The following NTNG1 variants were observed in gnomAD, a reference collection of about 807,000 sequenced individuals.
The protein encoded by NTNG1 is netrin-G1.
A neutral mutation model predicts 54.0 loss-of-function variants in NTNG1; 16 were observed. The observed-to-expected ratio is 0.30, with a 90% CI of 0.20 to 0.45. The LOEUF is 0.45. Among genes scored for constraint, NTNG1 ranks in the 20% least tolerant of loss-of-function variants. NTNG1 has a pLI of 1.00. For missense variants in NTNG1, 530 were observed against 678.7 expected, an observed-to-expected ratio of 0.78 and a Z score of 2.43; for synonymous variants, 255 against 263.1, an observed-to-expected ratio of 0.97 and a Z score of 0.30.
At chr1:107,440,307 C>G (rs1407874039) in intron 7 of NTNG1, among the ~76,000 whole-genome samples, 1 of 152,098 alleles carries the variant, frequency 6.6e-6, no homozygotes, top group Non-Finnish European at 1.5e-5. Context: ...CAGTAACTGA[C>G]AGTGTTGCCT....
intron 2 of NTNG1, among the ~76,000 whole-genome samples, chr1:107,182,872 T>C (rs1457678386): frequency 6.6e-6 from 1 of 152,144 alleles, no homozygotes; most frequent in Non-Finnish European, 1.5e-5. Context: ...CTTGAATAAA[T>C]GATAGCATTC....
chr1:107,300,430 C>T (rs1240742868), intron 2 of NTNG1, among the ~76,000 whole-genome samples: 1 of 152,170 alleles, frequency 6.6e-6, no homozygotes, highest in East Asian at 1.9e-4. Context: ...CTTCCCTAAT[C>T]TAGTTCCCCA....
upstream of NTNG1, chr1:107,140,767 A>AG (rs1653595992): frequency 1.1e-5 from 1 of 94,966 alleles, no homozygotes; most frequent in Admixed American, 8.9e-5. Flanking sequence ...AAAAAAAAAA[A>AG]AAGAGGAAAA....
intron 2 of NTNG1, among the ~76,000 whole-genome samples, chr1:107,299,546 G>C (rs1405806490): frequency 3.3e-5 from 5 of 152,154 alleles, no homozygotes; most frequent in Non-Finnish European, 7.4e-5. Flanking sequence ...AATGGACCCT[G>C]TAGGGTAAGT....
At chr1:107,323,694 A>G (rs1667784428) in intron 2 of NTNG1, among the ~76,000 whole-genome samples, 2 of 152,084 alleles carry the variant, frequency 1.3e-5, no homozygotes, top group South Asian at 2.1e-4. Flanking sequence ...CATTTTAATA[A>G]TTGGTGGTGA....
intron 3 of NTNG1, among the ~76,000 whole-genome samples, chr1:107,375,999 C>T (rs913441576): frequency 6.6e-6 from 1 of 152,206 alleles, no homozygotes; most frequent in Non-Finnish European, 1.5e-5. Flanking sequence ...TAGCTCATAT[C>T]TGCCTAGAAA....
At chr1:107,441,860 G>A (rs1450381396) in intron 7 of NTNG1, among the ~76,000 whole-genome samples, 1 of 152,000 alleles carries the variant, frequency 6.6e-6, no homozygotes, top group African/African-American at 2.4e-5. Context: ...ATATTCAAAA[G>A]AAATATTTAA....
chr1:107,406,767 A>G (rs1338636364), intron 4 of NTNG1, among the ~76,000 whole-genome samples: 1 of 152,172 alleles, frequency 6.6e-6, no homozygotes, highest in African/African-American at 2.4e-5. Context: ...CTATCAGTTT[A>G]TATAACTCTT....
chr1:107,144,298 A>C (rs1653948216), intron 1 of NTNG1, among the ~76,000 whole-genome samples: 1 of 152,048 alleles, frequency 6.6e-6, no homozygotes, highest in Non-Finnish European at 1.5e-5. Flanking sequence ...TCCCATTCAG[A>C]AACATGCATA....
intron 2 of NTNG1, among the ~76,000 whole-genome samples, chr1:107,263,870 A>G (rs1163619792): frequency 6.6e-6 from 1 of 152,236 alleles, no homozygotes; most frequent in African/African-American, 2.4e-5. Flanking sequence ...TTTTGTTAAA[A>G]GAAATGTTAT....
chr1:107,220,857 A>T (rs1660293709), intron 2 of NTNG1, among the ~76,000 whole-genome samples: 1 of 152,202 alleles, frequency 6.6e-6, no homozygotes, highest in Admixed American at 6.5e-5. Context: ...ATGAGTAAAA[A>T]TGACATGTAT....
intron 7 of NTNG1, among the ~76,000 whole-genome samples, chr1:107,479,929 T>G (rs538458657): frequency 1.3e-5 from 2 of 152,300 alleles, no homozygotes; most frequent in South Asian, 4.1e-4. Flanking sequence ...TGGGCTATAC[T>G]TCCCATATTT....
At chr1:107,480,550 C>T in intron 7 of NTNG1, 61 bp from the exon 8 acceptor site, 1 of 1,003,576 alleles carries the variant, frequency 1.0e-6, no homozygotes, top group South Asian at 1.6e-5. Context: ...AGATGAACTT[C>T]AATTGATTCT....
intron 3 of NTNG1, among the ~76,000 whole-genome samples, chr1:107,379,909 G>C (rs1337660568): frequency 6.6e-6 from 1 of 152,176 alleles, no homozygotes; most frequent in Non-Finnish European, 1.5e-5. Context: ...CAATAAAGAT[G>C]CTATTCTCAG....
rs148908545 is a variant in NTNG1 at position 107,184,521 on chromosome 1, T to C, written c.246+35682T>C. ...CAGAGACCTCACCCCCTTCATTTTA[T>C]GGTGTATCTCTCATTTTAGTTCAAG... On this transcript the variant is annotated intron_variant, in intron 2 of 7. Coordinates refer to ENST00000370068, the MANE Select transcript of NTNG1 (RefSeq NM_001113226.3). 6.7e-3 allele frequency among the ~76,000 whole-genome samples: 1,020 copies of C among 152,276 alleles called. 10 individuals carry two copies. Among genetic ancestry groups the C allele is most frequent in the Middle Eastern group, 0.034 (10 of 294 alleles).
chr1:107,352,843 G>C (rs554797305), intron 3 of NTNG1, among the ~76,000 whole-genome samples: 1 of 152,202 alleles, frequency 6.6e-6, no homozygotes, highest in African/African-American at 2.4e-5. Flanking sequence ...AACCACCAAG[G>C]CTTATGGTTT....
intron 2 of NTNG1, among the ~76,000 whole-genome samples, chr1:107,163,379 GTAAA>G (rs1175825451): frequency 6.6e-6 from 1 of 152,014 alleles, no homozygotes; most frequent in African/African-American, 2.4e-5. Context: ...CTGGCATATA[GTAAA>G]TACTCAATAA....
At chr1:107,463,859 A>T (rs1273800569) in intron 7 of NTNG1, among the ~76,000 whole-genome samples, 4 of 152,210 alleles carry the variant, frequency 2.6e-5, no homozygotes, top group African/African-American at 9.6e-5. Context: ...GACCCTAAAA[A>T]TACAGAAAAA....
At chr1:107,442,508 T>C (rs191547605) in intron 7 of NTNG1, among the ~76,000 whole-genome samples, 2 of 152,290 alleles carry the variant, frequency 1.3e-5, no homozygotes, top group Admixed American at 1.3e-4. Context: ...CTACACTGTG[T>C]TGCAAATTTA....
Sources: allele counts gnomAD v4.1 joint callset (sites outside exome capture counted in the v4.1 genomes callset), GRCh38; gene constraint gnomAD v4.1.1; transcripts MANE v1.5; gene names NCBI Gene and HGNC (gene_info 2026-07-23, HGNC 2026-07-21).